Variants in SYT7 observed in about 807,000 individuals in gnomAD.
The protein encoded by SYT7 is synaptotagmin-7.
SYT7 carries 29 observed loss-of-function variants against 75.1 expected under a neutral mutation model. That is an observed-to-expected ratio of 0.39 (90% CI 0.29 to 0.53). The LOEUF (loss-of-function observed/expected upper bound fraction) is 0.53. Ranked by LOEUF, SYT7 falls within the 20% of genes least tolerant of loss-of-function variation. SYT7 has a pLI of 0.77. For missense variants in SYT7, 693 were observed against 953.2 expected (o/e 0.73, Z 3.59); for synonymous variants, 376 against 401.7 (o/e 0.94, Z 0.76).
chr11:61,544,024 T>C (rs1393622052), intron 5 of SYT7, among the ~76,000 whole-genome samples: 1 of 152,166 alleles, frequency 6.6e-6, no homozygotes, highest in Non-Finnish European at 1.5e-5. Flanking sequence ...GTAAATAAAG[T>C]TTTATTGGAA....
intron 4 of SYT7, 68 bp downstream of exon 4, chr11:61,547,109 C>A: frequency 6.7e-7 from 1 of 1,502,070 alleles, no homozygotes; most frequent in Admixed American, 2.0e-5. Flanking sequence ...TGGGTGGGGG[C>A]AGGAGGAGGG....
At chr11:61,574,806 G>A (rs191950991) in intron 1 of SYT7, among the ~76,000 whole-genome samples, 2 of 152,166 alleles carry the variant, frequency 1.3e-5, no homozygotes, top group African/African-American at 2.4e-5. Flanking sequence ...CTCTGGCCTC[G>A]CTGACACCAC....
intron 9 of SYT7, 130 bp downstream of exon 9, chr11:61,527,781 GTGTT>G (rs2062567743): frequency 1.9e-6 from 2 of 1,045,432 alleles, no homozygotes; most frequent in Admixed American, 2.0e-5. Context: ...GCTTGCATGT[GTGTT>G]TGTGCATTTG....
Position 61,551,535 on chromosome 11 carries a change from C to T in SYT7, c.136-72G>A. On this transcript the variant is annotated intron_variant, in intron 2 of 12. Coordinates refer to ENST00000539008, the MANE Select transcript of SYT7 (RefSeq NM_001365809.2). This position sits in a 1 kb window ranked among gnomAD's most constrained non-coding sequence, Gnocchi z 5.3. ...CTCCCTACCTCCCCAGAACAGGGAC[C>T]CGGAGGGGAAGGAGATAGACTGGAG... 7 of 1,489,294 alleles carry T rather than the reference C, an allele frequency of 4.7e-6. No individual in the cohort carries two copies. In the Admixed American group the frequency reaches 8.5e-5, roughly 18 times the overall value. The allele number at this position is 1,489,294 out of a possible 1,614,324, so 92.3% of individuals were successfully genotyped here.
chr11:61,559,373 G>C (rs1382811238), intron 1 of SYT7, among the ~76,000 whole-genome samples: 2 of 152,142 alleles, frequency 1.3e-5, no homozygotes, highest in African/African-American at 4.8e-5. Flanking sequence ...GTGAGGAGCC[G>C]GACTTAGGGT....
Position 61,551,513 on chromosome 11 carries a change from C to A in SYT7, c.136-50G>T, listed in dbSNP as rs369797976. The A allele has an allele frequency of 2.0e-5, 32 of 1,568,558 alleles. No individual in the cohort carries two copies. The African/African-American group carries it at 2.6e-4, about 13-fold the overall frequency. On this transcript the variant is annotated intron_variant, in intron 2 of 12. Coordinates refer to ENST00000539008, the MANE Select transcript of SYT7 (RefSeq NM_001365809.2). This position sits in a 1 kb window ranked among gnomAD's most constrained non-coding sequence, Gnocchi z 5.3. ...TCCTGGGGAACAGGACTGTACCCTC[C>A]CTACCTCCCCAGAACAGGGACCCGG...
At position 61,542,092 on chromosome 11, in the gene SYT7, C is replaced by T. The variant is rs985604037; in HGVS notation, c.941+119G>A. The T allele has an allele frequency of 5.2e-6, 7 of 1,351,514 alleles. No individual in the cohort carries two copies. The African/African-American group carries it at 9.1e-5, about 18-fold the overall frequency. 83.7% of individuals were successfully genotyped at this position (1,351,514 alleles called of 1,614,324 possible). On this transcript the variant is annotated intron_variant, in intron 6 of 12. Transcript: ENST00000539008. This position sits in a 1 kb window ranked among gnomAD's most constrained non-coding sequence, Gnocchi z 7.8. ...AGGGGGCTGCCAAGTCTGCTTGGCA[C>T]CCTGCCAAGGGGATGGAGGGCCGGG...
At chr11:61,570,181 A>G (rs1050565788) in intron 1 of SYT7, among the ~76,000 whole-genome samples, 8 of 152,254 alleles carry the variant, frequency 5.3e-5, no homozygotes, top group African/African-American at 1.9e-4. Flanking sequence ...CAGAGGGCTC[A>G]GGGGCTAAGT....
chr11:61,581,132 T>A, upstream of SYT7: 1 of 172,646 alleles, frequency 5.8e-6, no homozygotes, highest in Non-Finnish European at 1.1e-5. Context: ...TGTGAGCGCG[T>A]GTGTGAGCGC....
chr11:61,527,665 C>T (rs887797165), intron 9 of SYT7, among the ~76,000 whole-genome samples: 3 of 152,340 alleles, frequency 2.0e-5, no homozygotes, highest in Admixed American at 6.5e-5. Context: ...AGACACAAAA[C>T]GCATCAGGTT....
At chr11:61,532,695 A>G (rs971837230) in intron 8 of SYT7, among the ~76,000 whole-genome samples, 7 of 152,120 alleles carry the variant, frequency 4.6e-5, no homozygotes, top group African/African-American at 1.7e-4. Flanking sequence ...TTCTCAATCC[A>G]CAAAGGGATC....
chr11:61,569,055 T>C (rs1428424545), intron 1 of SYT7, among the ~76,000 whole-genome samples: 1 of 152,034 alleles, frequency 6.6e-6, no homozygotes, highest in Non-Finnish European at 1.5e-5. Context: ...TCCTAGGGGC[T>C]TTCATCTCCT....
intron 3 of SYT7, among the ~76,000 whole-genome samples, chr11:61,549,378 G>A (rs2063283540): frequency 6.6e-6 from 1 of 152,230 alleles, no homozygotes; most frequent in South Asian, 2.1e-4. Flanking sequence ...CGCCAAGAGG[G>A]AGACAGAGTG....
At chr11:61,539,001 T>C (rs1173125822) in intron 6 of SYT7, among the ~76,000 whole-genome samples, 1 of 152,208 alleles carries the variant, frequency 6.6e-6, no homozygotes, top group Non-Finnish European at 1.5e-5. Context: ...TCGGCCATAG[T>C]GGCTGTCTCC....
chr11:61,567,928 A>G (rs921653646), intron 1 of SYT7, among the ~76,000 whole-genome samples: 8 of 152,218 alleles, frequency 5.3e-5, no homozygotes, highest in African/African-American at 1.7e-4. Context: ...GTCACAGTGC[A>G]GCCTCAACCC....
chr11:61,581,978 A>T (rs1470279280), upstream of SYT7, among the ~76,000 whole-genome samples: 2 of 152,122 alleles, frequency 1.3e-5, no homozygotes, highest in East Asian at 3.8e-4. Flanking sequence ...GGCAGGGAGG[A>T]GAAGAGACCT....
chr11:61,550,661 C>T (rs1383151250), intron 3 of SYT7, among the ~76,000 whole-genome samples: 1 of 152,106 alleles, frequency 6.6e-6, no homozygotes, highest in Non-Finnish European at 1.5e-5. Flanking sequence ...CAGCAAAAGC[C>T]TCCATTTCCA....
intron 1 of SYT7, among the ~76,000 whole-genome samples, chr11:61,577,327 C>T (rs1343245986): frequency 1.3e-5 from 2 of 152,236 alleles, no homozygotes; most frequent in African/African-American, 2.4e-5. Context: ...CTAACTCAAG[C>T]CCAGGATGCA....
chr11:61,545,085 G>C (rs1237276811), intron 5 of SYT7, among the ~76,000 whole-genome samples: 2 of 152,230 alleles, frequency 1.3e-5, no homozygotes, highest in African/African-American at 4.8e-5. Flanking sequence ...ACTGGTCACA[G>C]CTCAAAGGAC....
Sources: gnomAD v4.1 joint callset for allele counts (sites outside exome capture counted in the v4.1 genomes callset) on GRCh38, gnomAD v4.1.1 for gene constraint, Gnocchi (gnomAD v3.1) non-coding constraint, MANE v1.5 for transcripts, NCBI Gene and HGNC (gene_info 2026-07-23, HGNC 2026-07-21) for gene names.